Variants in LGSN observed in about 807,000 individuals in gnomAD.
The protein encoded by LGSN is lengsin, lens protein with glutamine synthetase domain.
LGSN carries 21 observed loss-of-function variants against 19.5 expected under a neutral mutation model. The observed-to-expected ratio is 1.07, with a 90% CI of 0.76 to 1.55. The LOEUF is 1.55. LGSN is among the 40% of genes most tolerant of loss of function. The pLI is 0.00. For synonymous variants in LGSN, 257 were observed against 215.6 expected (o/e 1.19, Z -1.68); for missense variants, 673 against 608.5 (o/e 1.11, Z -1.12).
chr6:63,486,837 T>TATG, the LGSN span, among the ~76,000 whole-genome samples: 2 of 149,102 alleles, frequency 1.3e-5, no homozygotes, highest in African/African-American at 4.9e-5. Context: ...TTATTATTAT[T>TATG]ATTATTATTA....
At chr6:63,535,984 G>A in the LGSN span, among the ~76,000 whole-genome samples, 3 of 152,018 alleles carry the variant, frequency 2.0e-5, no homozygotes, top group South Asian at 4.1e-4. Context: ...TGTTGGCCAG[G>A]GTGGCCTGGA....
chr6:63,397,974 G>A, the LGSN span, among the ~76,000 whole-genome samples: 1 of 151,774 alleles, frequency 6.6e-6, no homozygotes, highest in African/African-American at 2.4e-5. Context: ...TAATGAAGCT[G>A]AAAAAATTTT....
chr6:63,350,871 C>T, the LGSN span, among the ~76,000 whole-genome samples: 1 of 151,064 alleles, frequency 6.6e-6, no homozygotes, highest in East Asian at 1.9e-4. Context: ...CAAACAAAAA[C>T]GAGTTCAGAC....
At chr6:63,394,728 G>A in the LGSN span, among the ~76,000 whole-genome samples, 3 of 152,130 alleles carry the variant, frequency 2.0e-5, no homozygotes, top group African/African-American at 7.2e-5. Flanking sequence ...CCCTCTCTTG[G>A]GGTCTGGATC....
At chr6:63,444,147 G>C in the LGSN span, among the ~76,000 whole-genome samples, 441 of 152,070 alleles carry the variant, frequency 2.9e-3, 3 homozygotes, top group African/African-American at 0.01. Flanking sequence ...TATGCACCAG[G>C]CACTGTCTGA....
Position 63,280,536 on chromosome 6 carries a change from T to A in LGSN, c.1015A>T (p.Ile339Phe), listed in dbSNP as rs1767258152. ...CSTSGTEQLTITGKKWLAGLL... is the reference protein window; with the variant it reads ...CSTSGTEQLTFTGKKWLAGLL... ...CCTGCCAACCATTTTTTCCCAGTGA[T>A]CGTGAGCTGCTCAGTTCCAGAAGTG... The change falls in exon 4 of 4, where the codon ATC becomes TTC. Residue 339 changes from isoleucine to phenylalanine, a missense_variant. By Grantham distance (21) the Ile-to-Phe change is conservative (BLOSUM62 0). Transcript: ENST00000370657. 1 of 1,614,064 alleles carries A rather than the reference T, an allele frequency of 6.2e-7. No homozygotes were observed. The highest frequency in any genetic ancestry group is 8.5e-7 in the Non-Finnish European group (1 of 1,180,030).
the LGSN span, among the ~76,000 whole-genome samples, chr6:63,412,522 GAAAGAAGGAAAGAAAGAAAGAAA>G: frequency 3.1e-5 from 3 of 95,808 alleles, no homozygotes; most frequent in Admixed American, 1.3e-4. Flanking sequence ...AAGAAAGAAA[GAAAGAAGGAAAGAAAGAAAGAAA>G]GAAAGAAAGA....
At chr6:63,420,126 T>C in the LGSN span, among the ~76,000 whole-genome samples, 6 of 150,016 alleles carry the variant, frequency 4.0e-5, no homozygotes, top group East Asian at 1.2e-3. Flanking sequence ...TGGCGTGAAC[T>C]CGGGAGGCGG....
At chr6:63,337,658 G>T in the LGSN span, among the ~76,000 whole-genome samples, 1 of 151,534 alleles carries the variant, frequency 6.6e-6, no homozygotes, top group Admixed American at 6.6e-5. Flanking sequence ...AAAAAATTTA[G>T]CCAGGCATGG....
chr6:63,333,823 A>G, the LGSN span, among the ~76,000 whole-genome samples: 1 of 152,234 alleles, frequency 6.6e-6, no homozygotes, highest in Non-Finnish European at 1.5e-5. Flanking sequence ...ATGGTTCAAC[A>G]TAGGCATATC....
the LGSN span, among the ~76,000 whole-genome samples, chr6:63,487,411 A>C: frequency 6.6e-6 from 1 of 152,264 alleles, no homozygotes; most frequent in Non-Finnish European, 1.5e-5. Flanking sequence ...TCCCTGCCCT[A>C]CAGCAAACTT....
chr6:63,560,340 A>G, the LGSN span, among the ~76,000 whole-genome samples: 1 of 141,416 alleles, frequency 7.1e-6, no homozygotes, highest in Non-Finnish European at 1.5e-5. Context: ...CTCCGTCTCA[A>G]AAAAAAAAAA....
At chr6:63,365,394 T>G in the LGSN span, among the ~76,000 whole-genome samples, 1 of 152,270 alleles carries the variant, frequency 6.6e-6, no homozygotes, top group African/African-American at 2.4e-5. Flanking sequence ...CAGGAAGAAG[T>G]TGAATCCCTA....
the LGSN span, among the ~76,000 whole-genome samples, chr6:63,329,237 T>A: frequency 6.6e-6 from 1 of 152,130 alleles, no homozygotes; most frequent in African/African-American, 2.4e-5. Flanking sequence ...CCTAAACCCT[T>A]GGGGCAAGAC....
At chr6:63,514,101 T>C in the LGSN span, among the ~76,000 whole-genome samples, 1 of 152,150 alleles carries the variant, frequency 6.6e-6, no homozygotes, top group Non-Finnish European at 1.5e-5. Flanking sequence ...GCCCACATCA[T>C]TTGGTCCCTG....
chr6:63,490,709 G>C, the LGSN span, among the ~76,000 whole-genome samples: 2 of 152,206 alleles, frequency 1.3e-5, no homozygotes, highest in South Asian at 4.1e-4. Flanking sequence ...AAGTAGCTGG[G>C]ATTACAGGCA....
At chr6:63,560,551 C>T in the LGSN span, among the ~76,000 whole-genome samples, 5 of 151,714 alleles carry the variant, frequency 3.3e-5, no homozygotes, top group Non-Finnish European at 7.4e-5. Flanking sequence ...AGGCGTGTAC[C>T]ACCATGGCCC....
At chr6:63,296,158 G>T (rs569351622) in intron 1 of LGSN, among the ~76,000 whole-genome samples, 6 of 152,154 alleles carry the variant, frequency 3.9e-5, no homozygotes, top group Admixed American at 2.0e-4. Flanking sequence ...TAATTATGAT[G>T]CATTGTTATT....
chr6:63,399,651 C>A, the LGSN span, among the ~76,000 whole-genome samples: 36 of 151,814 alleles, frequency 2.4e-4, no homozygotes, highest in Non-Finnish European at 4.3e-4. Flanking sequence ...CCGCCTCGGC[C>A]TCCCAAAGTG....
Sources: allele counts gnomAD v4.1 joint callset (sites outside exome capture counted in the v4.1 genomes callset), GRCh38; gene constraint gnomAD v4.1.1; transcripts MANE v1.5; gene names NCBI Gene and HGNC (gene_info 2026-07-23, HGNC 2026-07-21).